SLAMF1: variants seen among roughly 807,000 people sequenced by gnomAD.
SLAMF1 encodes the protein signaling lymphocytic activation molecule family member 1.
Under a neutral mutation model 35.1 loss-of-function variants are expected in SLAMF1, and 18 were observed. The observed-to-expected ratio is 0.51, with a 90% CI of 0.35 to 0.76. The LOEUF is 0.76. SLAMF1 is among the 30% of genes least tolerant of loss of function. The probability of loss-of-function intolerance (pLI) is 0.01; values close to 1 mark genes in which losing one functional copy is unlikely to be tolerated. For missense variants in SLAMF1, 392 were observed against 413.0 expected (o/e 0.95, Z 0.44); for synonymous variants, 168 against 157.2 (o/e 1.07, Z -0.51).
chr1:160,641,245 G>C (rs12029156), intron 1 of SLAMF1, among the ~76,000 whole-genome samples: 2 of 152,018 alleles, frequency 1.3e-5, no homozygotes, highest in African/African-American at 4.8e-5. Context: ...AATTGCTAGC[G>C]TAGTGTTGAT....
intron 3 of SLAMF1, among the ~76,000 whole-genome samples, chr1:160,626,338 G>C (rs1337290683): frequency 6.6e-6 from 1 of 152,140 alleles, no homozygotes; most frequent in Non-Finnish European, 1.5e-5. Flanking sequence ...CAGCACCAAG[G>C]CTTCAGGACA....
At position 160,627,477 on chromosome 1, in the gene SLAMF1, A is replaced by T. The variant is rs185934354; in HGVS notation, c.701-3292T>A. ...TTAAGTCCAAAGGAGTCTCTTCACC[A>T]GTGTCCAGAGATGCTTCAGTCCCAT... is the stretch of plus-strand genomic sequence containing the variant. On this transcript the variant is annotated intron_variant, in intron 3 of 6. Coordinates refer to ENST00000302035, the MANE Select transcript of SLAMF1 (RefSeq NM_003037.5). Among the ~76,000 whole-genome samples the T allele has an allele frequency of 5.7e-4, 87 of 152,294 alleles. 1 individual carries two copies. Among genetic ancestry groups the T allele is most frequent in the African/African-American group, 2.0e-3 (84 of 41,552 alleles).
intron 4 of SLAMF1, 60 bp from the exon 5 acceptor site, chr1:160,619,909 C>A: frequency 8.8e-7 from 1 of 1,133,452 alleles, no homozygotes; most frequent in South Asian, 1.2e-5. Flanking sequence ...GCTCCTTACT[C>A]AGACCTGGTC....
intron 1 of SLAMF1, among the ~76,000 whole-genome samples, chr1:160,639,415 C>T (rs780095262): frequency 4.6e-5 from 7 of 151,980 alleles, no homozygotes; most frequent in African/African-American, 7.3e-5. Flanking sequence ...TTAGTAAAGA[C>T]GGGGTTTCAC....
chr1:160,632,225 C>T (rs912186647), intron 3 of SLAMF1, among the ~76,000 whole-genome samples: 1 of 152,156 alleles, frequency 6.6e-6, no homozygotes, highest in African/African-American at 2.4e-5. Flanking sequence ...CTTATTGACA[C>T]ACACACACAC....
chr1:160,643,744 C>T (rs1217560742), intron 1 of SLAMF1, among the ~76,000 whole-genome samples: 1 of 152,202 alleles, frequency 6.6e-6, no homozygotes. Context: ...TTGAGTATTT[C>T]TCTTTTCTTT....
rs1164567091 is a variant in SLAMF1 at position 160,634,889 on chromosome 1, A to T, written c.424T>A (p.Ser142Thr). ...TTTAAAACTTTAATTTCTGGAGTGG[A>T]GACCTGCTCTGTCAGGAGTGGGAGG... is the stretch of plus-strand genomic sequence containing the variant. Reference protein sequence around the residue: ...CLQLRLYEQVSTPEIKVLNKT... With the variant: ...CLQLRLYEQVTTPEIKVLNKT... Residue 142 changes from serine to threonine, a missense_variant, in exon 3 of 7, where the codon TCC (serine) becomes ACC (threonine). Coordinates refer to ENST00000302035, the MANE Select transcript of SLAMF1 (RefSeq NM_003037.5). 6.2e-7 allele frequency: 1 copy of T among 1,609,910 alleles called. No individual in the cohort carries two copies. The highest frequency in any genetic ancestry group is 8.5e-7 in the Non-Finnish European group (1 of 1,176,766).
rs1197630052 is a variant in SLAMF1 at position 160,634,841 on chromosome 1, A to G, written c.472T>C (p.Cys158Arg). 1 of 1,614,016 alleles carries G rather than the reference A, an allele frequency of 6.2e-7. No individual in the cohort carries two copies. The highest frequency in any genetic ancestry group is 8.5e-7 in the Non-Finnish European group (1 of 1,180,024). ...ACTGTGCAGCCCAGTATCAAGGTGC[A>G]GGTCCCGTTCTCCTGGGTCTTGTTT... ...VLNKTQENGT[C>R]TLILGCTVEK... Residue 158 changes from cysteine to arginine, a missense_variant, in exon 3 of 7, where the codon TGC (cysteine) becomes CGC (arginine). Transcript: ENST00000302035.
Position 160,634,662 on chromosome 1 carries a change from G to T in SLAMF1, c.651C>A (p.Asn217Lys), listed in dbSNP as rs1276177040. 6.2e-7 allele frequency: 1 copy of T among 1,614,022 alleles called. No homozygotes were observed. The highest frequency in any genetic ancestry group is 1.7e-5 in the Admixed American group (1 of 60,030). Residue 217 changes from asparagine (N) to lysine (K), a missense_variant, in exon 3 of 7, where the codon AAC becomes AAA. Asn to Lys is a moderately conservative substitution (Grantham distance 94). Transcript: ENST00000302035. ...YICTVSNPIS[N>K]NSQTFSPWPG... ...GCCACGGGCTGAAGGTCTGGGAATT[G>T]TTGCTGATAGGGTTGCTCACGGTGC...
chr1:160,619,839 G>A lies in SLAMF1; in HGVS notation c.801C>T (p.Asn267=), dbSNP rs770088901. Residue 267 remains asparagine, a synonymous_variant, in exon 5 of 7, where the codon AAC becomes AAT. Coordinates refer to ENST00000302035, the MANE Select transcript of SLAMF1 (RefSeq NM_003037.5). The stretch of plus-strand genomic sequence containing the variant: ...TTTTTTCCACTGTTGTCTGGTAATG[G>A]TTCGTTTTACCTGGTGAAAAGAAAC... ...ILQLRRRGKT[N]HYQTTVEKKS... 1.2e-6 allele frequency: 2 copies of A among 1,610,926 alleles called. No homozygotes were observed. The highest frequency in any genetic ancestry group is 2.7e-5 in the African/African-American group (2 of 74,828).
Position 160,637,409 on chromosome 1 carries a change from A to C in SLAMF1, c.197T>G (p.Met66Arg). ...GACACTGTTCTCCAGTGATTTTGCC[A>C]TTGTGACGACAATGTGGATGCTTTT... ...MNKSIHIVVT[M>R]AKSLENSVEN... The change falls in exon 2 of 7, where the codon ATG becomes AGG. Residue 66 changes from methionine to arginine, a missense_variant. By Grantham distance (91) the Met-to-Arg change is moderately conservative (BLOSUM62 -1). Coordinates refer to ENST00000302035, the MANE Select transcript of SLAMF1 (RefSeq NM_003037.5). 1 of 1,614,148 alleles carries C rather than the reference A, an allele frequency of 6.2e-7. No individual in the cohort carries two copies. Among genetic ancestry groups the C allele is most frequent in the Non-Finnish European group, 8.5e-7 (1 of 1,180,002 alleles).
Position 160,610,653 on chromosome 1 carries a change from G to T in SLAMF1, c.*95C>A. The T allele has an allele frequency of 1.2e-6, 1 of 833,264 alleles. No individual in the cohort carries two copies. The highest frequency in any genetic ancestry group is 2.1e-6 in the Non-Finnish European group (1 of 475,688). The allele number at this position is 833,264 out of a possible 1,614,324, so 51.6% of individuals were successfully genotyped here. On this transcript the variant is annotated 3_prime_UTR_variant, in exon 7 of 7. Transcript: ENST00000302035. Reference sequence around the variant, plus strand: ...TGAGAAGGGTACAGACGTGCAGCATGTCTGCCAGAGGAAACTTGGGGCCTG... The same window carrying T: ...TGAGAAGGGTACAGACGTGCAGCATTTCTGCCAGAGGAAACTTGGGGCCTG...
intron 1 of SLAMF1, among the ~76,000 whole-genome samples, chr1:160,646,183 C>T (rs967198346): frequency 2.0e-5 from 3 of 152,160 alleles, no homozygotes; most frequent in African/African-American, 7.2e-5. Context: ...TCTTGTCTGG[C>T]CTTCCTGCTG....
At chr1:160,644,938 A>G (rs143962227) in intron 1 of SLAMF1, among the ~76,000 whole-genome samples, 12 of 152,314 alleles carry the variant, frequency 7.9e-5, no homozygotes, top group Middle Eastern at 3.4e-3. Flanking sequence ...AAGGTCATCA[A>G]TTATAACAAA....
At chr1:160,612,879 G>A (rs1044773029) in intron 5 of SLAMF1, among the ~76,000 whole-genome samples, 1 of 152,166 alleles carries the variant, frequency 6.6e-6, no homozygotes, top group Non-Finnish European at 1.5e-5. Context: ...ACTGAAATTG[G>A]TGTGGCTCTT....
In SLAMF1 at chr1:160,609,349, C is replaced by T. The variant is rs892183942; in HGVS notation, c.*1399G>A. On this transcript the variant is annotated 3_prime_UTR_variant, in exon 7 of 7. Transcript: ENST00000302035. ...CCTTTTCTACATAAAAAAGCCAAAGCCAGCTTCTGTTGATTGCAACTAAGA... is the reference window on the plus strand; with the variant it reads ...CCTTTTCTACATAAAAAAGCCAAAGTCAGCTTCTGTTGATTGCAACTAAGA... The T allele has an allele frequency of 2.6e-5, 4 of 152,182 alleles. No individual in the cohort carries two copies. Among genetic ancestry groups the T allele is most frequent in the African/African-American group, 9.7e-5 (4 of 41,436 alleles). The allele number at this position is 152,182 out of a possible 1,614,324, so 9.4% of individuals were successfully genotyped here. A position where few individuals can be genotyped will look rare whatever the true frequency, so the allele number is the denominator to read the frequency against.
chr1:160,630,382 GCA>G (rs1660102243), intron 3 of SLAMF1, among the ~76,000 whole-genome samples: 1 of 152,310 alleles, frequency 6.6e-6, no homozygotes, highest in African/African-American at 2.4e-5. Context: ...ATAAGTTTTT[GCA>G]CAGTTTCGCT....
intron 1 of SLAMF1, among the ~76,000 whole-genome samples, chr1:160,640,614 G>T (rs1660697887): frequency 6.6e-6 from 1 of 151,930 alleles, no homozygotes; most frequent in Non-Finnish European, 1.5e-5. Flanking sequence ...TTGGAAAATT[G>T]GACACACTGG....
intron 1 of SLAMF1, among the ~76,000 whole-genome samples, chr1:160,640,973 CCTGA>C (rs1660715755): frequency 6.6e-6 from 1 of 152,112 alleles, no homozygotes; most frequent in South Asian, 2.1e-4. Context: ...CTTATGGATG[CCTGA>C]CTGTCTAGAT....
Sources: allele counts gnomAD v4.1 joint callset (sites outside exome capture counted in the v4.1 genomes callset), GRCh38; gene constraint gnomAD v4.1.1; transcripts MANE v1.5; gene names NCBI Gene and HGNC (gene_info 2026-07-23, HGNC 2026-07-21).